The following DOK6 variants were observed in gnomAD, a reference collection of about 807,000 sequenced individuals.
The protein encoded by DOK6 is docking protein 6, also known as downstream of tyrosine kinase 6.
Under a neutral mutation model 44.0 loss-of-function variants are expected in DOK6, and 22 were observed. The observed-to-expected ratio is 0.50, with a 90% CI of 0.36 to 0.71. The LOEUF (loss-of-function observed/expected upper bound fraction) is 0.71. Among genes scored for constraint, DOK6 ranks in the 30% least tolerant of loss-of-function variants. DOK6 has a pLI of 0.00. For missense variants in DOK6, 340 were observed against 416.4 expected (o/e 0.82, Z 1.60); for synonymous variants, 166 against 145.5 (o/e 1.14, Z -1.01).
intron 7 of DOK6, among the ~76,000 whole-genome samples, chr18:69,759,208 G>C (rs1373338376): frequency 2.0e-5 from 3 of 152,192 alleles, no homozygotes; most frequent in Non-Finnish European, 4.4e-5. Context: ...GGAAAGAGAA[G>C]ACGAGTATCT....
intron 6 of DOK6, among the ~76,000 whole-genome samples, chr18:69,745,569 G>A (rs1347471922): frequency 1.3e-5 from 2 of 152,198 alleles, no homozygotes; most frequent in Non-Finnish European, 1.5e-5. Flanking sequence ...GTGATAGGAA[G>A]TGTCAGTTCC....
intron 5 of DOK6, among the ~76,000 whole-genome samples, chr18:69,712,280 C>CAAA (rs869202861): frequency 1.8e-4 from 4 of 22,674 alleles, no homozygotes; most frequent in African/African-American, 1.9e-4. Context: ...GACTCCGTCT[C>CAAA]AAAAAAAAAA....
intron 5 of DOK6, among the ~76,000 whole-genome samples, chr18:69,710,961 A>G (rs1220568450): frequency 6.6e-6 from 1 of 152,240 alleles, no homozygotes; most frequent in Non-Finnish European, 1.5e-5. Context: ...ATAAGGCTCA[A>G]CATTTGCTGC....
At chr18:69,431,503 T>C (rs141232239) in intron 1 of DOK6, among the ~76,000 whole-genome samples, 148 of 152,302 alleles carry the variant, frequency 9.7e-4, no homozygotes, top group African/African-American at 3.5e-3. Flanking sequence ...TATTCATTCA[T>C]AAAAGATGAT....
At position 69,455,221 on chromosome 18, in the gene DOK6, A is replaced by G. The variant is rs115652669; in HGVS notation, c.66+53911A>G. 4.1e-3 allele frequency among the ~76,000 whole-genome samples: 619 copies of G among 151,792 alleles called. 4 individuals carry two copies. The highest frequency in any genetic ancestry group is 0.014 in the African/African-American group (597 of 41,450). On this transcript the variant is annotated intron_variant, in intron 1 of 7. Coordinates refer to ENST00000382713, the MANE Select transcript of DOK6 (RefSeq NM_152721.6). ...AAAAAAAAAGAAAAACCAAGCTGAA[A>G]TTCATTAATGTGTAAAAGCACAGAA...
chr18:69,402,035 G>T (rs1916111755), intron 1 of DOK6, among the ~76,000 whole-genome samples: 1 of 152,218 alleles, frequency 6.6e-6, no homozygotes, highest in African/African-American at 2.4e-5. Context: ...CTAGTGACCA[G>T]ACGAGGCGGT....
intron 7 of DOK6, among the ~76,000 whole-genome samples, chr18:69,789,449 G>T (rs1599326624): frequency 6.6e-6 from 1 of 152,158 alleles, no homozygotes; most frequent in Admixed American, 6.6e-5. Context: ...ATTGGGTCAG[G>T]TGTGTGTATG....
chr18:69,597,751 C>T (rs1038706963), intron 2 of DOK6, among the ~76,000 whole-genome samples: 1 of 142,688 alleles, frequency 7.0e-6, no homozygotes, highest in African/African-American at 2.6e-5. Flanking sequence ...GACTCAAACG[C>T]CTGCTCAACC....
At chr18:69,699,141 C>G (rs932443744) in intron 5 of DOK6, among the ~76,000 whole-genome samples, 10 of 152,082 alleles carry the variant, frequency 6.6e-5, no homozygotes, top group Non-Finnish European at 1.3e-4. Context: ...CGGATTTAGA[C>G]ATAAACTACA....
chr18:69,719,951 A>G (rs1986969428), intron 5 of DOK6, among the ~76,000 whole-genome samples: 2 of 152,192 alleles, frequency 1.3e-5, no homozygotes, highest in Non-Finnish European at 2.9e-5. Flanking sequence ...GCACTTTGGG[A>G]AGCCAAGGCA....
intron 5 of DOK6, among the ~76,000 whole-genome samples, chr18:69,725,547 G>A (rs1044883206): frequency 1.3e-5 from 2 of 152,130 alleles, no homozygotes; most frequent in African/African-American, 4.8e-5. Context: ...GAGTGCAGTG[G>A]CACGATCTCG....
chr18:69,697,817 T>C (rs1255506993), intron 4 of DOK6, among the ~76,000 whole-genome samples: 1 of 152,222 alleles, frequency 6.6e-6, no homozygotes, highest in African/African-American at 2.4e-5. Flanking sequence ...AAGCAATGTC[T>C]TAAGTTCTGC....
intron 1 of DOK6, among the ~76,000 whole-genome samples, chr18:69,529,722 T>C (rs17187421): frequency 0.03 from 4,568 of 152,328 alleles, 83 homozygotes; most frequent in Middle Eastern, 0.048. Flanking sequence ...ACAGCCATCC[T>C]TTAAAGTTAA....
intron 7 of DOK6, among the ~76,000 whole-genome samples, chr18:69,803,739 G>A (rs889102600): frequency 5.3e-5 from 8 of 152,022 alleles, no homozygotes; most frequent in Non-Finnish European, 8.8e-5. Context: ...GACGCCTGTA[G>A]TCCCAGCTAC....
intron 1 of DOK6, among the ~76,000 whole-genome samples, chr18:69,562,372 G>T (rs1323226878): frequency 2.0e-5 from 3 of 152,064 alleles, no homozygotes; most frequent in East Asian, 1.9e-4. Flanking sequence ...TGAGGGCTCT[G>T]TTCTGTTCCA....
In DOK6 at chr18:69,742,414, CAA is replaced by C. The variant is rs755723043; in HGVS notation, c.738+3324_738+3325del. 6.6e-5 allele frequency among the ~76,000 whole-genome samples: 8 copies of C among 120,450 alleles called. No homozygotes were observed. The South Asian group carries it at 8.5e-4, about 13-fold the overall frequency. 79.0% of individuals were successfully genotyped at this position (120,450 alleles called of 152,430 possible). ...GGGCAACAAGAGTGAAACTCCATCT[CAA>C]AAAAAAAAAAAAGAAAAAGAAAAAG... On this transcript the variant is annotated intron_variant, in intron 6 of 7. Coordinates refer to ENST00000382713, the MANE Select transcript of DOK6 (RefSeq NM_152721.6).
intron 3 of DOK6, among the ~76,000 whole-genome samples, chr18:69,624,277 A>G (rs1984507123): frequency 1.3e-5 from 2 of 152,164 alleles, no homozygotes; most frequent in African/African-American, 4.8e-5. Context: ...ATTGTGCCAA[A>G]TAGATTTAGT....
chr18:69,471,585 G>GT (rs200220326), intron 1 of DOK6: 36,049 of 143,728 alleles, frequency 0.25, 4,565 homozygotes, highest in South Asian at 0.4. Flanking sequence ...GGGTTTTTTT[G>GT]TTTTTTTTTT....
intron 1 of DOK6, among the ~76,000 whole-genome samples, chr18:69,443,612 C>T (rs1208899066): frequency 6.6e-6 from 1 of 152,102 alleles, no homozygotes; most frequent in Non-Finnish European, 1.5e-5. Flanking sequence ...TTGAGACAGT[C>T]TAAACTCCTT....
Sources: allele counts gnomAD v4.1 joint callset (sites outside exome capture counted in the v4.1 genomes callset), GRCh38; gene constraint gnomAD v4.1.1; transcripts MANE v1.5; gene names NCBI Gene and HGNC (gene_info 2026-07-23, HGNC 2026-07-21).